HSPA4: variants seen among roughly 807,000 people sequenced by gnomAD.
HSPA4 encodes heat shock 70 kDa protein 4.
A neutral mutation model predicts 106.2 loss-of-function variants in HSPA4; 25 were observed. The ratio of observed to expected loss-of-function variants is 0.24; its 90% CI spans 0.17 to 0.33. HSPA4 has a LOEUF of 0.33. Ranked by LOEUF, HSPA4 falls within the 10% of genes least tolerant of loss-of-function variation. The pLI is 1.00. For missense variants in HSPA4, 841 were observed against 996.0 expected (o/e 0.84, Z 2.10); for synonymous variants, 332 against 333.6 (o/e 1.00, Z 0.05).
chr5:133,097,535 CTTTCT>C (rs201155584), intron 15 of HSPA4, among the ~76,000 whole-genome samples: 3,032 of 145,400 alleles, frequency 0.021, 83 homozygotes, highest in African/African-American at 0.069. Context: ...TATCTTGTAT[CTTTCT>C]TTTCTTTTCT....
At chr5:133,063,150 G>A (rs1008494462) in intron 1 of HSPA4, among the ~76,000 whole-genome samples, 2 of 151,990 alleles carry the variant, frequency 1.3e-5, no homozygotes, top group African/African-American at 4.8e-5. Context: ...AGGCTGGAGT[G>A]CAATAGCATG....
intron 17 of HSPA4, among the ~76,000 whole-genome samples, chr5:133,102,176 C>T (rs1765794196): frequency 1.3e-5 from 2 of 152,202 alleles, no homozygotes; most frequent in African/African-American, 4.8e-5. Context: ...ATCCACCTGC[C>T]TTGGCCTCCC....
intron 7 of HSPA4, among the ~76,000 whole-genome samples, chr5:133,085,936 C>T (rs143201473): frequency 2.0e-5 from 3 of 152,268 alleles, no homozygotes; most frequent in African/African-American, 7.2e-5. Flanking sequence ...ATGTACCATA[C>T]TAATGCAAGA....
At position 133,052,029 on chromosome 5, in the gene HSPA4, C is replaced by G. The variant is rs1765082695; in HGVS notation, c.-222C>G. 1.9e-6 allele frequency: 1 copy of G among 539,202 alleles called. No homozygotes were observed. The highest frequency in any genetic ancestry group is 2.0e-5 in the African/African-American group (1 of 49,902). The allele number at this position is 539,202 out of a possible 1,614,324, so 33.4% of individuals were successfully genotyped here. A position where few individuals can be genotyped will look rare whatever the true frequency, so the allele number is the denominator to read the frequency against. Reference sequence around the variant, plus strand: ...AGATCTTTCGAGATCTTCTCCGCCCCCGCTACCGGCGCCTCCTCTGCGGCC... The same window carrying G: ...AGATCTTTCGAGATCTTCTCCGCCCGCGCTACCGGCGCCTCCTCTGCGGCC... On this transcript the variant is annotated 5_prime_UTR_variant, in exon 1 of 19. Coordinates refer to ENST00000304858, the MANE Select transcript of HSPA4 (RefSeq NM_002154.4).
chr5:133,054,264 G>T (rs1462099824), intron 1 of HSPA4, among the ~76,000 whole-genome samples: 2 of 151,894 alleles, frequency 1.3e-5, no homozygotes, highest in African/African-American at 2.4e-5. Context: ...GTGCAGTGGC[G>T]TAATCTCGGC....
intron 2 of HSPA4, among the ~76,000 whole-genome samples, chr5:133,066,511 T>G (rs533264855): frequency 1.3e-5 from 2 of 152,336 alleles, no homozygotes; most frequent in African/African-American, 4.8e-5. Context: ...GACATTTGTC[T>G]TACCACCTTC....
rs114233919 is a variant in HSPA4, at chr5:133,052,032, C to A, written c.-219C>A. The A allele has an allele frequency of 2.3e-3, 1,242 of 536,480 alleles. 9 individuals carry two copies. The highest frequency in any genetic ancestry group is 0.023 in the African/African-American group (1,156 of 49,956). 33.2% of individuals were successfully genotyped at this position (536,480 alleles called of 1,614,324 possible). On this transcript the variant is annotated 5_prime_UTR_variant, in exon 1 of 19. Coordinates refer to ENST00000304858, the MANE Select transcript of HSPA4 (RefSeq NM_002154.4). ...TCTTTCGAGATCTTCTCCGCCCCCG[C>A]TACCGGCGCCTCCTCTGCGGCCACT...
In HSPA4 at chr5:133,070,495, C is replaced by T; in HGVS notation, c.428C>T (p.Ser143Leu). The change falls in exon 4 of 19, where the codon TCG becomes TTG. Residue 143 changes from serine to leucine, a missense_variant and splice_region_variant. Coordinates refer to ENST00000304858, the MANE Select transcript of HSPA4 (RefSeq NM_002154.4). ...AAGCCTGTAGTTGACTGTGTTGTTT[C>T]GGTGAGTTTGATCCCTATACATTAT... is the stretch of plus-strand genomic sequence containing the variant. ...LKKPVVDCVV[S>L]VPCFYTDAER... The T allele has an allele frequency of 1.9e-6, 3 of 1,613,458 alleles. No homozygotes were observed. Among genetic ancestry groups the T allele is most frequent in the Non-Finnish European group, 2.5e-6 (3 of 1,179,660 alleles).
chr5:133,089,768 C>T, intron 11 of HSPA4, 73 bp downstream of exon 11: 1 of 1,205,512 alleles, frequency 8.3e-7, no homozygotes, highest in Non-Finnish European at 1.1e-6. Context: ...AATCCCAACA[C>T]TTTGAAAGGC....
intron 6 of HSPA4, 62 bp downstream of exon 6, chr5:133,074,188 GAC>G: frequency 8.7e-7 from 1 of 1,149,316 alleles, no homozygotes; most frequent in Non-Finnish European, 1.2e-6. Flanking sequence ...AATTTTGAGA[GAC>G]AATGATTTTT....
intron 3 of HSPA4, among the ~76,000 whole-genome samples, chr5:133,069,652 T>A (rs942777587): frequency 1.4e-4 from 21 of 152,216 alleles, no homozygotes; most frequent in African/African-American, 5.1e-4. Flanking sequence ...TGTCCTCATA[T>A]TAGATTGAAT....
chr5:133,086,678 C>G (rs539777419), intron 7 of HSPA4, 104 bp from the exon 8 acceptor site: 3 of 760,330 alleles, frequency 3.9e-6, no homozygotes, highest in African/African-American at 3.5e-5. Flanking sequence ...CCACATTTTG[C>G]CAGCACTTGT....
Position 133,105,937 on chromosome 5 carries a change from C to G in HSPA4, c.*1501C>G, listed in dbSNP as rs1183861627. 1.3e-5 allele frequency: 2 copies of G among 151,704 alleles called. No homozygotes were observed. Among genetic ancestry groups the G allele is most frequent in the African/African-American group, 4.8e-5 (2 of 41,252 alleles). 9.4% of individuals were successfully genotyped at this position (151,704 alleles called of 1,614,324 possible). A position where few individuals can be genotyped will look rare whatever the true frequency, so the allele number is the denominator to read the frequency against. On this transcript the variant is annotated 3_prime_UTR_variant, in exon 19 of 19. Transcript: ENST00000304858. ...GAGGCCTCGAGGCACCACAACAAGG[C>G]CAGGTTCTTAGCACATCCTCTGTTC...
At position 133,103,977 on chromosome 5, in the gene HSPA4, T is replaced by G; in HGVS notation, c.2270T>G (p.Leu757Trp). Residue 757 changes from leucine to tryptophan, a missense_variant, in exon 18 of 19, where the codon TTG becomes TGG. Around this residue, in one of 5 missense-constraint regions of HSPA4, gnomAD observed 328 missense variants for 372.2 expected, o/e 0.88. Transcript: ENST00000304858. The part of the protein sequence containing the change: ...NKLNLQNKQS[L>W]TMDPVVKSKE... ...CTAAATCTGCAGAACAAGCAGAGTTTGACCATGGATCCAGTTGTCAAGTCA... is the reference window on the plus strand; with the variant it reads ...CTAAATCTGCAGAACAAGCAGAGTTGGACCATGGATCCAGTTGTCAAGTCA... 1 of 1,613,938 alleles carries G rather than the reference T, an allele frequency of 6.2e-7. No individual in the cohort carries two copies. The highest frequency in any genetic ancestry group is 8.5e-7 in the Non-Finnish European group (1 of 1,179,946).
At position 133,076,651 on chromosome 5, in the gene HSPA4, A is replaced by C; in HGVS notation, c.664-3A>C. ...TTAGATTAATTCTCATTTTTTCCTT[A>C]AGGTTCTGGCCACTGCATTTGACAC... On this transcript the variant is annotated splice_polypyrimidine_tract_variant and splice_region_variant and intron_variant, in intron 6 of 18. Transcript: ENST00000304858. 2 of 1,605,448 alleles carry C rather than the reference A, an allele frequency of 1.2e-6. No homozygotes were observed. The highest frequency in any genetic ancestry group is 1.7e-6 in the Non-Finnish European group (2 of 1,174,956).
chr5:133,099,702 C>T (rs770159175), intron 16 of HSPA4, 50 bp downstream of exon 16: 2 of 859,524 alleles, frequency 2.3e-6, no homozygotes, highest in Non-Finnish European at 3.8e-6. Flanking sequence ...TTGAAGCTTC[C>T]TCTGAGGAGC....
At position 133,092,806 on chromosome 5, in the gene HSPA4, GTTTTTTTTTTTTTTTTTTTTT is replaced by G. The variant is rs57230598; in HGVS notation, c.1650+29_1650+49del. 1.5e-5 allele frequency: 7 copies of G among 467,634 alleles called. No homozygotes were observed. Among genetic ancestry groups the G allele is most frequent in the African/African-American group, 3.8e-5 (1 of 26,564 alleles). The allele number at this position is 467,634 out of a possible 1,614,324, so 29.0% of individuals were successfully genotyped here. A position where few individuals can be genotyped will look rare whatever the true frequency, so the allele number is the denominator to read the frequency against. ...GAAATGGAGGTATGCATTGGGTGGT[GTTTTTTTTTTTTTTTTTTTTT>G]TTTTTTTTTTTGAGACAGAGTTTCA... On this transcript the variant is annotated intron_variant, in intron 13 of 18. Coordinates refer to ENST00000304858, the MANE Select transcript of HSPA4 (RefSeq NM_002154.4).
At chr5:133,085,822 TA>T (rs1765572591) in intron 7 of HSPA4, among the ~76,000 whole-genome samples, 1 of 152,146 alleles carries the variant, frequency 6.6e-6, no homozygotes, top group Non-Finnish European at 1.5e-5. Context: ...ACAGTGAAAT[TA>T]TTCTGTATGT....
intron 7 of HSPA4, among the ~76,000 whole-genome samples, chr5:133,086,037 A>G (rs1246742090): frequency 1.3e-5 from 2 of 152,150 alleles, no homozygotes; most frequent in African/African-American, 4.8e-5. Flanking sequence ...ACATCTAAAA[A>G]TGTGTATTAA....
Sources: allele counts gnomAD v4.1 joint callset (sites outside exome capture counted in the v4.1 genomes callset), GRCh38; gene constraint gnomAD v4.1.1; regional missense constraint gnomAD v4.1.1; transcripts MANE v1.5; gene names NCBI Gene and HGNC (gene_info 2026-07-23, HGNC 2026-07-21).